The following AGBL4 variants were observed in gnomAD, a reference collection of about 807,000 sequenced individuals.
AGBL4 encodes cytosolic carboxypeptidase 6.
Under a neutral mutation model 66.4 loss-of-function variants are expected in AGBL4, and 58 were observed. That is an observed-to-expected ratio of 0.87 (90% confidence interval 0.71 to 1.09). The LOEUF (loss-of-function observed/expected upper bound fraction) is 1.09. Among genes scored for constraint, AGBL4 ranks in the 50% least tolerant of loss-of-function variants. The probability of loss-of-function intolerance (pLI) is 0.00; values close to 1 mark genes in which losing one functional copy is unlikely to be tolerated. For synonymous variants in AGBL4, 234 were observed against 222.9 expected (o/e 1.05, Z -0.44); for missense variants, 579 against 631.0 (o/e 0.92, Z 0.88).
intron 6 of AGBL4, among the ~76,000 whole-genome samples, chr1:48,733,260 G>A (rs765692211): frequency 3.3e-5 from 5 of 152,170 alleles, no homozygotes; most frequent in Non-Finnish European, 7.3e-5. Context: ...TAGAGCAGGA[G>A]CATAACTGAA....
chr1:48,872,470 T>C (rs907990144), intron 5 of AGBL4, among the ~76,000 whole-genome samples: 7 of 152,118 alleles, frequency 4.6e-5, no homozygotes, highest in African/African-American at 1.7e-4. Context: ...AAGATACCAG[T>C]AGGATAAACA....
At chr1:49,918,845 G>A (rs1651875751) in intron 1 of AGBL4, among the ~76,000 whole-genome samples, 3 of 152,102 alleles carry the variant, frequency 2.0e-5, no homozygotes, top group Admixed American at 6.6e-5. Context: ...TAAAATACTG[G>A]CAAACCAAAT....
At chr1:49,019,918 C>T (rs543521754) in intron 5 of AGBL4, among the ~76,000 whole-genome samples, 16 of 152,276 alleles carry the variant, frequency 1.1e-4, no homozygotes, top group Admixed American at 2.6e-4. Flanking sequence ...TAAGGGCGCA[C>T]GCTTTAAAAG....
intron 3 of AGBL4, among the ~76,000 whole-genome samples, chr1:49,280,933 C>T (rs534020815): frequency 6.6e-6 from 1 of 151,938 alleles, no homozygotes; most frequent in Admixed American, 6.5e-5. Flanking sequence ...AAAAAGAAAA[C>T]AGTAAAGGGT....
At chr1:48,637,938 C>G (rs1333700021) in intron 8 of AGBL4, among the ~76,000 whole-genome samples, 1 of 152,184 alleles carries the variant, frequency 6.6e-6, no homozygotes, top group African/African-American at 2.4e-5. Flanking sequence ...CAAAGCTTTT[C>G]CAGCCCTCAC....
intron 5 of AGBL4, among the ~76,000 whole-genome samples, chr1:49,035,145 T>C (rs2149041051): frequency 6.6e-6 from 1 of 152,280 alleles, no homozygotes; most frequent in East Asian, 1.9e-4. Context: ...TTTTAGTTAC[T>C]AGTAATGAAC....
intron 3 of AGBL4, among the ~76,000 whole-genome samples, chr1:49,395,533 A>AGT (rs149386987): frequency 0.13 from 17,891 of 139,214 alleles, 1,676 homozygotes; most frequent in African/African-American, 0.28. Context: ...GCCAAACACT[A>AGT]GTGTGTGTGT....
chr1:48,561,574 C>A (rs1241017428), intron 11 of AGBL4, among the ~76,000 whole-genome samples: 2 of 152,148 alleles, frequency 1.3e-5, no homozygotes, highest in African/African-American at 4.8e-5. Flanking sequence ...GAGGATATTT[C>A]TGGGTGAGAT....
intron 3 of AGBL4, among the ~76,000 whole-genome samples, chr1:49,464,045 T>G (rs1646572724): frequency 6.6e-6 from 1 of 151,626 alleles, no homozygotes; most frequent in Non-Finnish European, 1.5e-5. Context: ...TGAGAGACAG[T>G]CTAAAGCATT....
At chr1:49,844,739 T>C (rs1486215865) in intron 2 of AGBL4, 29 of 1,601,286 alleles carry the variant, frequency 1.8e-5, no homozygotes, top group Admixed American at 6.7e-5. Context: ...AAGCAACGTA[T>C]CTCTGAAGAA....
At chr1:49,537,696 G>A (rs139932954) in intron 3 of AGBL4, among the ~76,000 whole-genome samples, 4,192 of 152,230 alleles carry the variant, frequency 0.028, 166 homozygotes, top group African/African-American at 0.095. Flanking sequence ...AGGCCAAGGC[G>A]GGCAGATCAT....
At chr1:49,362,612 C>T (rs1644164279) in intron 3 of AGBL4, among the ~76,000 whole-genome samples, 1 of 152,060 alleles carries the variant, frequency 6.6e-6, no homozygotes, top group Non-Finnish European at 1.5e-5. Flanking sequence ...TCTCAGAGCT[C>T]GTTTAGGACC....
intron 1 of AGBL4, among the ~76,000 whole-genome samples, chr1:49,930,456 A>G (rs999796389): frequency 7.2e-5 from 11 of 152,126 alleles, no homozygotes; most frequent in African/African-American, 2.7e-4. Flanking sequence ...TCTGGTACAA[A>G]AACCAAATGA....
At chr1:48,554,216 C>A (rs114581256) in intron 11 of AGBL4, among the ~76,000 whole-genome samples, 1 of 152,180 alleles carries the variant, frequency 6.6e-6, no homozygotes. Flanking sequence ...TGTGTCTTCA[C>A]CCCTGATTAG....
At chr1:48,738,127 G>A (rs747510864) in intron 6 of AGBL4, among the ~76,000 whole-genome samples, 3 of 152,162 alleles carry the variant, frequency 2.0e-5, no homozygotes, top group Non-Finnish European at 4.4e-5. Context: ...AATACACATA[G>A]TTAGGCAGTC....
At chr1:49,779,168 C>A (rs1488624724) in intron 2 of AGBL4, among the ~76,000 whole-genome samples, 1 of 152,118 alleles carries the variant, frequency 6.6e-6, no homozygotes, top group Non-Finnish European at 1.5e-5. Flanking sequence ...CTCCTTATTC[C>A]TGGTGGTCAA....
intron 4 of AGBL4, among the ~76,000 whole-genome samples, chr1:49,105,457 C>T (rs987891409): frequency 3.3e-5 from 5 of 152,072 alleles, no homozygotes; most frequent in African/African-American, 1.2e-4. Flanking sequence ...GACAGCGTAC[C>T]TAACATTACA....
At chr1:49,246,744 A>C (rs939170078) in intron 3 of AGBL4, among the ~76,000 whole-genome samples, 7 of 152,014 alleles carry the variant, frequency 4.6e-5, no homozygotes, top group African/African-American at 1.7e-4. Flanking sequence ...AACCACTGAA[A>C]TAGTCCAAAG....
At chr1:49,521,172 G>A (rs1650233288) in intron 3 of AGBL4, among the ~76,000 whole-genome samples, 1 of 151,908 alleles carries the variant, frequency 6.6e-6, no homozygotes, top group South Asian at 2.1e-4. Context: ...TTGCCATCAA[G>A]AAAAATTTTG....
Sources: gnomAD v4.1 joint callset for allele counts (sites outside exome capture counted in the v4.1 genomes callset) on GRCh38, gnomAD v4.1.1 for gene constraint, MANE v1.5 for transcripts, NCBI Gene and HGNC (gene_info 2026-07-23, HGNC 2026-07-21) for gene names.